STK32B: variants seen among roughly 807,000 people sequenced by gnomAD.
STK32B encodes the protein serine/threonine kinase 32B, also known as serine/threonine-protein kinase 32B.
STK32B carries 43 observed loss-of-function variants against 52.6 expected under a neutral mutation model. That is an observed-to-expected ratio of 0.82 (90% CI 0.64 to 1.05). The LOEUF (loss-of-function observed/expected upper bound fraction) is 1.05. Among genes scored for constraint, STK32B ranks in the 50% least tolerant of loss-of-function variants. The pLI is 0.00. For synonymous variants in STK32B, 238 were observed against 204.3 expected, an observed-to-expected ratio of 1.17 and a Z score of -1.41; for missense variants, 621 against 534.6, an observed-to-expected ratio of 1.16 and a Z score of -1.59.
At chr4:5,200,092 T>C (rs967002865) in intron 3 of STK32B, among the ~76,000 whole-genome samples, 1 of 152,146 alleles carries the variant, frequency 6.6e-6, no homozygotes, top group Non-Finnish European at 1.5e-5. Flanking sequence ...TCAGACAATC[T>C]GTTAAGTCTC....
chr4:5,250,428 T>C (rs1725839856), intron 3 of STK32B, among the ~76,000 whole-genome samples: 1 of 149,470 alleles, frequency 6.7e-6, no homozygotes, highest in South Asian at 2.2e-4. Flanking sequence ...TTCTCCTACC[T>C]CAGCCTCCTG....
Position 5,500,775 on chromosome 4 carries a change from C to CA in STK32B, c.*1693dup, listed in dbSNP as rs1560103307. On this transcript the variant is annotated 3_prime_UTR_variant, in exon 12 of 12. Coordinates refer to ENST00000282908, the MANE Select transcript of STK32B (RefSeq NM_018401.3). ...CACACTTTTCTTTACTTCATGTCCCCATCAACAACCGTCCTGCTCCCCACC... is the reference window on the plus strand; with the variant it reads ...CACACTTTTCTTTACTTCATGTCCCCAATCAACAACCGTCCTGCTCCCCACC... The CA allele has an allele frequency of 1.3e-5, 2 of 152,170 alleles. No individual in the cohort carries two copies. 9.4% of individuals were successfully genotyped at this position (152,170 alleles called of 1,614,324 possible).
chr4:5,297,728 G>A (rs1391438188), intron 3 of STK32B, among the ~76,000 whole-genome samples: 1 of 150,960 alleles, frequency 6.6e-6, no homozygotes, highest in Non-Finnish European at 1.5e-5. Context: ...GTTAGAACAT[G>A]CTCCTTTAGC....
At chr4:5,190,011 C>A (rs934126026) in intron 3 of STK32B, among the ~76,000 whole-genome samples, 1 of 152,136 alleles carries the variant, frequency 6.6e-6, no homozygotes, top group South Asian at 2.1e-4. Flanking sequence ...CCTTGTCTTC[C>A]CCACAAATCA....
chr4:5,294,251 G>A (rs1296468320), intron 3 of STK32B, among the ~76,000 whole-genome samples: 1 of 152,134 alleles, frequency 6.6e-6, no homozygotes, highest in African/African-American at 2.4e-5. Flanking sequence ...TTTTTGCTTA[G>A]GATTGTCTTG....
intron 3 of STK32B, among the ~76,000 whole-genome samples, chr4:5,194,724 G>C (rs1721507875): frequency 6.6e-6 from 1 of 152,196 alleles, no homozygotes; most frequent in African/African-American, 2.4e-5. Context: ...TGGTTCTGCA[G>C]GCTGCACAGA....
chr4:5,079,737 T>A (rs6824719), intron 1 of STK32B, among the ~76,000 whole-genome samples: 1 of 151,896 alleles, frequency 6.6e-6, no homozygotes, highest in Admixed American at 6.6e-5. Context: ...TGACCCCTAC[T>A]GTTCCCAGCT....
intron 4 of STK32B, among the ~76,000 whole-genome samples, chr4:5,342,949 A>T (rs574852519): frequency 3.9e-5 from 6 of 152,290 alleles, no homozygotes; most frequent in African/African-American, 1.4e-4. Context: ...CTGACCAAAT[A>T]TTCTTTTTTC....
At chr4:5,065,727 A>G (rs1406591363) in intron 1 of STK32B, among the ~76,000 whole-genome samples, 4 of 152,090 alleles carry the variant, frequency 2.6e-5, no homozygotes. Context: ...GTGACTCAGT[A>G]ATTTTTTTTG....
At chr4:5,114,119 A>G (rs1364402783) in intron 1 of STK32B, among the ~76,000 whole-genome samples, 1 of 151,950 alleles carries the variant, frequency 6.6e-6, no homozygotes, top group Non-Finnish European at 1.5e-5. Flanking sequence ...TCACTACCTC[A>G]TCAGCATCAT....
At chr4:5,116,963 G>C (rs566147097) in intron 1 of STK32B, among the ~76,000 whole-genome samples, 6 of 152,122 alleles carry the variant, frequency 3.9e-5, no homozygotes, top group Non-Finnish European at 8.8e-5. Flanking sequence ...TTAGTGTGTA[G>C]AAAAACAACT....
intron 1 of STK32B, among the ~76,000 whole-genome samples, chr4:5,125,700 C>T (rs1715322242): frequency 6.6e-6 from 1 of 152,206 alleles, no homozygotes; most frequent in Non-Finnish European, 1.5e-5. Flanking sequence ...CTCATCCCCG[C>T]ACCTCTGTTC....
At chr4:5,433,554 C>T (rs966400148) in intron 6 of STK32B, among the ~76,000 whole-genome samples, 24 of 152,254 alleles carry the variant, frequency 1.6e-4, no homozygotes, top group Admixed American at 7.2e-4. Flanking sequence ...CTCCTCCATT[C>T]GGACTTGGCT....
chr4:5,120,853 AATAAT>A (rs1246897943), intron 1 of STK32B, among the ~76,000 whole-genome samples: 2 of 151,386 alleles, frequency 1.3e-5, no homozygotes, highest in East Asian at 1.9e-4. Context: ...TATATTATAA[AATAAT>A]ATAACACTTC....
chr4:5,252,561 C>T (rs982978973), intron 3 of STK32B, among the ~76,000 whole-genome samples: 1 of 152,168 alleles, frequency 6.6e-6, no homozygotes, highest in Admixed American at 6.5e-5. Flanking sequence ...TTGTCCCTTG[C>T]AGTTTGGTCA....
intron 11 of STK32B, among the ~76,000 whole-genome samples, chr4:5,490,993 T>C (rs1376996390): frequency 1.3e-5 from 2 of 152,222 alleles, no homozygotes; most frequent in African/African-American, 4.8e-5. Context: ...TTTGGGTTGG[T>C]TCTAAGTCTT....
In STK32B at chr4:5,396,689, CG is replaced by C. The variant is rs1479342507; in HGVS notation, c.435-1516del. Among the ~76,000 whole-genome samples, 1 of 152,214 alleles carries C rather than the reference CG, an allele frequency of 6.6e-6. No homozygotes were observed. Among genetic ancestry groups the C allele is most frequent in the Non-Finnish European group, 1.5e-5 (1 of 68,040 alleles). On this transcript the variant is annotated intron_variant, in intron 4 of 11. Transcript: ENST00000282908. The surrounding 1 kb of genome is among the most constrained non-coding windows in gnomAD (Gnocchi z 4.7). Reference sequence around the variant, plus strand: ...ACCACACATTAAATCATCTCAGTCCCGGTGATACCTTAAGAGATAAGCTTGA... The same window carrying C: ...ACCACACATTAAATCATCTCAGTCCCGTGATACCTTAAGAGATAAGCTTGA...
chr4:5,068,921 C>T (rs779693793), intron 1 of STK32B, among the ~76,000 whole-genome samples: 2 of 152,016 alleles, frequency 1.3e-5, no homozygotes, highest in African/African-American at 4.8e-5. Flanking sequence ...GTGTATGTGG[C>T]AAGAACACGT....
intron 6 of STK32B, among the ~76,000 whole-genome samples, chr4:5,421,723 C>T (rs1457515605): frequency 2.6e-5 from 4 of 152,234 alleles, no homozygotes; most frequent in Non-Finnish European, 5.9e-5. Flanking sequence ...GGGCACTCTC[C>T]TCCATGGCCC....
Sources: allele counts gnomAD v4.1 joint callset (sites outside exome capture counted in the v4.1 genomes callset), GRCh38; gene constraint gnomAD v4.1.1; non-coding constraint Gnocchi (gnomAD v3.1); transcripts MANE v1.5; gene names NCBI Gene and HGNC (gene_info 2026-07-23, HGNC 2026-07-21).